Variants in HIKESHI observed in about 807,000 individuals in gnomAD.
The protein encoded by HIKESHI is heat shock protein nuclear import factor hikeshi.
Under a neutral mutation model 25.7 loss-of-function variants are expected in HIKESHI, and 13 were observed. That is an observed-to-expected ratio of 0.51 (90% confidence interval 0.33 to 0.80). HIKESHI has a LOEUF of 0.80. Ranked by LOEUF, HIKESHI falls within the 30% of genes least tolerant of loss-of-function variation. HIKESHI has a pLI of 0.02. For missense variants in HIKESHI, 174 were observed against 229.5 expected (o/e 0.76, Z 1.56); for synonymous variants, 76 against 78.7 (o/e 0.97, Z 0.18).
chr11:86,323,021 G>C (rs917345382), intron 2 of HIKESHI, among the ~76,000 whole-genome samples: 1 of 152,064 alleles, frequency 6.6e-6, no homozygotes, highest in African/African-American at 2.4e-5. Flanking sequence ...TTGAACTCAG[G>C]AGTTCAAGAC....
chr11:86,302,348 C>T lies in HIKESHI; in HGVS notation c.-101C>T. 6.8e-7 allele frequency: 1 copy of T among 1,463,486 alleles called. No individual in the cohort carries two copies. Among genetic ancestry groups the T allele is most frequent in the Non-Finnish European group, 9.3e-7 (1 of 1,073,560 alleles). 90.7% of individuals were successfully genotyped at this position (1,463,486 alleles called of 1,614,324 possible). On this transcript the variant is annotated 5_prime_UTR_variant, in exon 1 of 5. Coordinates refer to ENST00000278483, the MANE Select transcript of HIKESHI (RefSeq NM_016401.4). Reference sequence around the variant, plus strand: ...TGTAGTGGAGGGGCAGACACCCTCCCGCAAATTCTGGAAGGTTCTTAGTCT... The same window carrying T: ...TGTAGTGGAGGGGCAGACACCCTCCTGCAAATTCTGGAAGGTTCTTAGTCT...
intron 2 of HIKESHI, among the ~76,000 whole-genome samples, chr11:86,336,957 A>G (rs561103315): frequency 6.6e-6 from 1 of 152,086 alleles, no homozygotes; most frequent in Admixed American, 6.5e-5. Context: ...AAAAAAAGCC[A>G]TCAACCAGGA....
chr11:86,313,181 T>G (rs1302322584), intron 2 of HIKESHI, among the ~76,000 whole-genome samples: 1 of 152,206 alleles, frequency 6.6e-6, no homozygotes, highest in Non-Finnish European at 1.5e-5. Flanking sequence ...CTGGTTCCCT[T>G]GAAAATCTAG....
At chr11:86,312,141 T>TA (rs1946852258) in intron 2 of HIKESHI, among the ~76,000 whole-genome samples, 1 of 152,190 alleles carries the variant, frequency 6.6e-6, no homozygotes, top group Non-Finnish European at 1.5e-5. Context: ...CGTTGATCTG[T>TA]CTAATGTTGA....
At position 86,302,341 on chromosome 11, in the gene HIKESHI, A is replaced by G. The variant is rs1399466438; in HGVS notation, c.-108A>G. The G allele has an allele frequency of 7.3e-7, 1 of 1,375,880 alleles. No individual in the cohort carries two copies. The highest frequency in any genetic ancestry group is 1.4e-5 in the African/African-American group (1 of 69,490). The allele number at this position is 1,375,880 out of a possible 1,614,324, so 85.2% of individuals were successfully genotyped here. A position where few individuals can be genotyped will look rare whatever the true frequency, so the allele number is the denominator to read the frequency against. On this transcript the variant is annotated 5_prime_UTR_variant, in exon 1 of 5. Coordinates refer to ENST00000278483, the MANE Select transcript of HIKESHI (RefSeq NM_016401.4). ...GTCACTATGTAGTGGAGGGGCAGAC[A>G]CCCTCCCGCAAATTCTGGAAGGTTC...
At chr11:86,332,154 C>T (rs1353882517) in intron 2 of HIKESHI, among the ~76,000 whole-genome samples, 2 of 151,646 alleles carry the variant, frequency 1.3e-5, no homozygotes, top group East Asian at 1.9e-4. Context: ...TTAGTAGAGA[C>T]GGGGTTTCAC....
At chr11:86,336,216 G>GT (rs1168064818) in intron 2 of HIKESHI, among the ~76,000 whole-genome samples, 9 of 152,158 alleles carry the variant, frequency 5.9e-5, no homozygotes, top group Non-Finnish European at 1.5e-5. Flanking sequence ...TTAGAGACCT[G>GT]TGAGACACCC....
rs868122869 is a variant in HIKESHI at position 86,309,858 on chromosome 11, T to C, written c.268+3376T>C. Among the ~76,000 whole-genome samples the C allele has an allele frequency of 7.8e-3, 1,194 of 152,328 alleles. 20 individuals are homozygous for C. The highest frequency in any genetic ancestry group is 0.025 in the African/African-American group (1,056 of 41,574). ...TTCCCCATTTCTTGTTTTTGTCAGG[T>C]TTCTCAAAGATCAGATGGTTGTAGA... On this transcript the variant is annotated intron_variant, in intron 2 of 4. Transcript: ENST00000278483.
At chr11:86,329,525 T>C (rs1354097414) in intron 2 of HIKESHI, among the ~76,000 whole-genome samples, 1 of 151,936 alleles carries the variant, frequency 6.6e-6, no homozygotes, top group African/African-American at 2.4e-5. Flanking sequence ...GTCGTGTCTA[T>C]GAAAAAAACT....
At chr11:86,328,920 G>A (rs1168166714) in intron 2 of HIKESHI, among the ~76,000 whole-genome samples, 1 of 145,388 alleles carries the variant, frequency 6.9e-6, no homozygotes, top group Non-Finnish European at 1.5e-5. Context: ...GTGTGTGTGT[G>A]TGTGTGTGCG....
At chr11:86,331,867 A>T (rs1947433200) in intron 2 of HIKESHI, among the ~76,000 whole-genome samples, 1 of 152,104 alleles carries the variant, frequency 6.6e-6, no homozygotes, top group Non-Finnish European at 1.5e-5. Context: ...CAATACTAGG[A>T]ATGCTTTCAA....
intron 2 of HIKESHI, among the ~76,000 whole-genome samples, chr11:86,320,548 C>T (rs1004386139): frequency 2.6e-5 from 4 of 152,200 alleles, no homozygotes; most frequent in Non-Finnish European, 4.4e-5. Flanking sequence ...TGCACTCCAG[C>T]CTGGGTGACA....
rs150131048 is a variant in HIKESHI at position 86,320,242 on chromosome 11, C to T, written c.268+13760C>T. Among the ~76,000 whole-genome samples, 317 of 152,244 alleles carry T rather than the reference C, an allele frequency of 2.1e-3. 4 individuals carry two copies. The East Asian group carries it at 0.049, about 24-fold the overall frequency. The stretch of plus-strand genomic sequence containing the variant: ...GGACCCAATTTTAATTTTTCAGTTT[C>T]CTTTTTAAGCAGGCTTTTATCCTTT... On this transcript the variant is annotated intron_variant, in intron 2 of 4. Coordinates refer to ENST00000278483, the MANE Select transcript of HIKESHI (RefSeq NM_016401.4).
At chr11:86,312,612 TGGTTATTTTGCTTGTTAG>T (rs1946863308) in intron 2 of HIKESHI, among the ~76,000 whole-genome samples, 1 of 152,218 alleles carries the variant, frequency 6.6e-6, no homozygotes, top group Non-Finnish European at 1.5e-5. Flanking sequence ...TGATGTTAGC[TGGTTATTTTGCTTGTTAG>T]TTTATGCAGT....
chr11:86,304,593 C>G (rs753332838), intron 1 of HIKESHI, among the ~76,000 whole-genome samples: 2 of 144,714 alleles, frequency 1.4e-5, no homozygotes, highest in Admixed American at 7.4e-5. Context: ...CTCTGCTCAT[C>G]GCAACCTCCG....
Position 86,309,269 on chromosome 11 carries a change from C to T in HIKESHI, c.268+2787C>T, listed in dbSNP as rs750668856. Among the ~76,000 whole-genome samples, 10 of 152,132 alleles carry T rather than the reference C, an allele frequency of 6.6e-5. No individual in the cohort carries two copies. In the East Asian group the frequency reaches 7.7e-4, roughly 12 times the overall value. Reference sequence around the variant, plus strand: ...TTTTAATGATCACCATTCTAACTGGCGTGAGATGGTATCTCATTGTGGTTT... The same window carrying T: ...TTTTAATGATCACCATTCTAACTGGTGTGAGATGGTATCTCATTGTGGTTT... On this transcript the variant is annotated intron_variant, in intron 2 of 4. Transcript: ENST00000278483.
At position 86,332,000 on chromosome 11, in the gene HIKESHI, C is replaced by T. The variant is rs1223902175; in HGVS notation, c.269-5379C>T. The stretch of plus-strand genomic sequence containing the variant: ...TTCTTTTCTTTTTTTTTTTTTTTTG[C>T]GACGGAGTCTTGCTCTGTCGCTCAG... On this transcript the variant is annotated intron_variant, in intron 2 of 4. Transcript: ENST00000278483. 8.2e-5 allele frequency among the ~76,000 whole-genome samples: 10 copies of T among 121,988 alleles called. No homozygotes were observed. The East Asian group carries it at 1.5e-3, about 19-fold the overall frequency. 80.0% of individuals were successfully genotyped at this position (121,988 alleles called of 152,430 possible). A position where few individuals can be genotyped will look rare whatever the true frequency, so the allele number is the denominator to read the frequency against.
intron 2 of HIKESHI, among the ~76,000 whole-genome samples, chr11:86,333,794 A>G (rs562903295): frequency 1.3e-5 from 2 of 152,284 alleles, no homozygotes; most frequent in East Asian, 3.9e-4. Context: ...AAAAAAAAAT[A>G]ATTGGCTTGA....
chr11:86,321,744 G>C (rs1357667481), intron 2 of HIKESHI, among the ~76,000 whole-genome samples: 2 of 152,074 alleles, frequency 1.3e-5, no homozygotes, highest in Non-Finnish European at 2.9e-5. Context: ...TGGCCAAGCT[G>C]GTCTCGAACT....
Sources: gnomAD v4.1 joint callset for allele counts (sites outside exome capture counted in the v4.1 genomes callset) on GRCh38, gnomAD v4.1.1 for gene constraint, MANE v1.5 for transcripts, NCBI Gene and HGNC (gene_info 2026-07-23, HGNC 2026-07-21) for gene names.